Variants in HS6ST3 observed in about 807,000 individuals in gnomAD.
The protein encoded by HS6ST3 is heparan sulfate 6-O-sulfotransferase 3.
Under a neutral mutation model 36.7 loss-of-function variants are expected in HS6ST3, and 12 were observed. The ratio of observed to expected loss-of-function variants is 0.33; its 90% CI spans 0.21 to 0.53. HS6ST3 has a LOEUF of 0.53. Ranked by LOEUF, HS6ST3 falls within the 20% of genes least tolerant of loss-of-function variation. The pLI is 0.95. For synonymous variants in HS6ST3, 240 were observed against 257.5 expected (o/e 0.93, Z 0.65); for missense variants, 584 against 640.9 (o/e 0.91, Z 0.96).
At chr13:96,251,662 T>A (rs908033029) in intron 1 of HS6ST3, among the ~76,000 whole-genome samples, 2 of 152,176 alleles carry the variant, frequency 1.3e-5, no homozygotes, top group African/African-American at 2.4e-5. Context: ...ATTTGAGATC[T>A]TGTCATTTAT....
chr13:96,661,027 C>T (rs368463871), intron 1 of HS6ST3, among the ~76,000 whole-genome samples: 11 of 152,238 alleles, frequency 7.2e-5, no homozygotes, highest in East Asian at 1.9e-4. Context: ...CTTCTGGGCT[C>T]GTGGACTTAT....
At chr13:96,602,818 G>A (rs1167080196) in intron 1 of HS6ST3, among the ~76,000 whole-genome samples, 1 of 152,120 alleles carries the variant, frequency 6.6e-6, no homozygotes, top group East Asian at 1.9e-4. Flanking sequence ...CAGGCCCAAC[G>A]TTGGAGTCCA....
At chr13:96,616,649 A>G (rs914056113) in intron 1 of HS6ST3, among the ~76,000 whole-genome samples, 6 of 152,216 alleles carry the variant, frequency 3.9e-5, no homozygotes, top group African/African-American at 1.2e-4. Context: ...CTCCATTTCT[A>G]TAGATTACAC....
chr13:96,684,068 G>A (rs919121174), intron 1 of HS6ST3, among the ~76,000 whole-genome samples: 1 of 152,036 alleles, frequency 6.6e-6, no homozygotes, highest in African/African-American at 2.4e-5. Context: ...GGGGAAAGAA[G>A]TTTTGGGTGG....
At chr13:96,726,867 G>C (rs1433595271) in intron 1 of HS6ST3, among the ~76,000 whole-genome samples, 1 of 151,694 alleles carries the variant, frequency 6.6e-6, no homozygotes, top group East Asian at 1.9e-4. Flanking sequence ...CCCTCTGTAT[G>C]TTTCATGTCA....
rs549093477 is a variant in HS6ST3, at chr13:96,163,014, T to C, written c.707+71445T>C. Among the ~76,000 whole-genome samples, 30 of 152,110 alleles carry C rather than the reference T, an allele frequency of 2.0e-4. No individual in the cohort carries two copies. In the South Asian group the frequency reaches 5.4e-3, roughly 27 times the overall value. On this transcript the variant is annotated intron_variant, in intron 1 of 1. Coordinates refer to ENST00000376705, the MANE Select transcript of HS6ST3 (RefSeq NM_153456.4). ...CCAAATAATCTGATAACAACAAATA[T>C]GATATTTTAGGACCTGACTCCAAAC...
chr13:96,736,974 A>G (rs1261333407), intron 1 of HS6ST3, among the ~76,000 whole-genome samples: 1 of 152,196 alleles, frequency 6.6e-6, no homozygotes, highest in Non-Finnish European at 1.5e-5. Flanking sequence ...TCATAGCACT[A>G]ACTGATTCAC....
Position 96,815,509 on chromosome 13 carries a change from A to G in HS6ST3, c.708-16981A>G, listed in dbSNP as rs78823192. ...AACATCTCTCAGTGGGAGAACAATG[A>G]TGGATTTTGTGTTGATTGGTAAAAA... On this transcript the variant is annotated intron_variant, in intron 1 of 1. Transcript: ENST00000376705. 1.1e-4 allele frequency among the ~76,000 whole-genome samples: 16 copies of G among 152,292 alleles called. No homozygotes were observed. The East Asian group carries it at 3.1e-3, about 29-fold the overall frequency.
chr13:96,214,442 A>G (rs1029431596), intron 1 of HS6ST3, among the ~76,000 whole-genome samples: 14 of 151,990 alleles, frequency 9.2e-5, no homozygotes, highest in Non-Finnish European at 1.6e-4. Flanking sequence ...GTTCTAGTCA[A>G]TTCATCTCAT....
chr13:96,459,865 A>C (rs938792009), intron 1 of HS6ST3, among the ~76,000 whole-genome samples: 1 of 152,206 alleles, frequency 6.6e-6, no homozygotes, highest in Admixed American at 6.5e-5. Flanking sequence ...CGGTGTGTGC[A>C]TATATTTGTA....
At chr13:96,194,923 G>T (rs1057329362) in intron 1 of HS6ST3, among the ~76,000 whole-genome samples, 1 of 152,060 alleles carries the variant, frequency 6.6e-6, no homozygotes, top group Non-Finnish European at 1.5e-5. Flanking sequence ...TAGGTAAATT[G>T]ATCCCATTTC....
intron 1 of HS6ST3, among the ~76,000 whole-genome samples, chr13:96,208,543 A>G (rs1464496399): frequency 6.6e-6 from 1 of 152,192 alleles, no homozygotes; most frequent in Non-Finnish European, 1.5e-5. Flanking sequence ...ACTAATACCA[A>G]GTATTTTAGA....
chr13:96,689,244 C>T (rs1874869786), intron 1 of HS6ST3, among the ~76,000 whole-genome samples: 1 of 151,924 alleles, frequency 6.6e-6, no homozygotes, highest in Non-Finnish European at 1.5e-5. Context: ...ATTACTACTC[C>T]CAAGCCTCAT....
chr13:96,391,610 C>A (rs1462978588), intron 1 of HS6ST3, among the ~76,000 whole-genome samples: 1 of 152,148 alleles, frequency 6.6e-6, no homozygotes, highest in Non-Finnish European at 1.5e-5. Flanking sequence ...ACTTACAGTT[C>A]CACATGGCTG....
intron 1 of HS6ST3, among the ~76,000 whole-genome samples, chr13:96,491,964 C>G (rs1197324427): frequency 1.3e-5 from 2 of 152,182 alleles, no homozygotes; most frequent in Non-Finnish European, 2.9e-5. Context: ...AATTCCACTA[C>G]TTACCCCACT....
chr13:96,310,933 T>C (rs1253128090), intron 1 of HS6ST3, among the ~76,000 whole-genome samples: 1 of 152,148 alleles, frequency 6.6e-6, no homozygotes, highest in Non-Finnish European at 1.5e-5. Context: ...CCTGTATGTG[T>C]TGCATGTATA....
At chr13:96,220,448 T>A (rs2054449836) in intron 1 of HS6ST3, among the ~76,000 whole-genome samples, 2 of 152,188 alleles carry the variant, frequency 1.3e-5, no homozygotes, top group Admixed American at 1.3e-4. Context: ...CTCACAGTCA[T>A]CCGAAGTCAT....
intron 1 of HS6ST3, among the ~76,000 whole-genome samples, chr13:96,300,990 T>G (rs1205627010): frequency 6.6e-6 from 1 of 152,194 alleles, no homozygotes; most frequent in Non-Finnish European, 1.5e-5. Context: ...GCAATGATTC[T>G]CGTCTGTGAT....
At chr13:96,393,358 C>T (rs1410343) in intron 1 of HS6ST3, among the ~76,000 whole-genome samples, 125,609 of 152,094 alleles carry the variant, frequency 0.83, 52,237 homozygotes, top group South Asian at 0.87. Flanking sequence ...CTGTTATAAT[C>T]ATCCAGGAAA....
Sources: gnomAD v4.1 joint callset for allele counts (sites outside exome capture counted in the v4.1 genomes callset) on GRCh38, gnomAD v4.1.1 for gene constraint, MANE v1.5 for transcripts, NCBI Gene and HGNC (gene_info 2026-07-23, HGNC 2026-07-21) for gene names.